Variants in ATXN2 observed in about 807,000 individuals in gnomAD.
The protein encoded by ATXN2 is ataxin 2.
Under a neutral mutation model 138.6 loss-of-function variants are expected in ATXN2, and 37 were observed. The observed-to-expected ratio is 0.27, with a 90% CI of 0.21 to 0.35. ATXN2 has a LOEUF of 0.35. Ranked by LOEUF, ATXN2 falls within the 10% of genes least tolerant of loss-of-function variation. The probability of loss-of-function intolerance (pLI) is 1.00; values close to 1 mark genes in which losing one functional copy is unlikely to be tolerated. For synonymous variants in ATXN2, 549 were observed against 543.7 expected (o/e 1.01, Z -0.13); for missense variants, 1,216 against 1,480.3 (o/e 0.82, Z 2.93).
chr12:111,459,554 C>A (rs1875398621), intron 21 of ATXN2, among the ~76,000 whole-genome samples: 1 of 151,774 alleles, frequency 6.6e-6, no homozygotes, highest in Non-Finnish European at 1.5e-5. Context: ...GATTCTCCTG[C>A]CTCAGCCTGC....
rs776360703 is a variant in ATXN2, at chr12:111,456,134, C to T, written c.3165G>A (p.Ser1055=). 8.1e-6 allele frequency: 13 copies of T among 1,614,064 alleles called. No homozygotes were observed. Among genetic ancestry groups the T allele is most frequent in the African/African-American group, 2.7e-5 (2 of 74,910 alleles). Residue 1055 remains serine (S), a synonymous_variant, in exon 23 of 25, where the codon TCG becomes TCA. Coordinates refer to ENST00000673436, the MANE Select transcript of ATXN2 (RefSeq NM_001372574.1). ...GTGCTGCTGGGAAACTATTCTGTGG[C>T]GACTGCGTGTTGGAGGCAGGTGTCA... ...PSMTPASNTQ[S]PQNSFPAAQQ...
At chr12:111,561,695 G>C (rs1478963899) in intron 1 of ATXN2, among the ~76,000 whole-genome samples, 1 of 152,002 alleles carries the variant, frequency 6.6e-6, no homozygotes, top group Non-Finnish European at 1.5e-5. Context: ...TTAGCCACGT[G>C]TGGTGGCACA....
In ATXN2 at chr12:111,598,978, T is replaced by TGCTGCTGCTGCTGC. The variant is rs757873033; in HGVS notation, c.56_57insGCAGCAGCAGCAGC (p.Gln24HisfsTer27). The TGCTGCTGCTGCTGC allele has an allele frequency of 1.9e-5, 24 of 1,292,924 alleles. No homozygotes were observed. The African/African-American group carries it at 2.2e-4, about 12-fold the overall frequency. 80.1% of individuals were successfully genotyped at this position (1,292,924 alleles called of 1,614,324 possible). On this transcript the variant is annotated frameshift_variant, in exon 1 of 25. Transcript: ENST00000673436. LOFTEE classifies it high-confidence loss of function. The surrounding 1 kb of genome is among the most constrained non-coding windows in gnomAD (Gnocchi z 4.5). ...GCTGCTGCTGCTGCTGCTGCTGCTG[T>TGCTGCTGCTGCTGC]TGCTGCTGCTGCTGCTGCTGCTGCT...
chr12:111,523,482 G>A (rs904242805), intron 6 of ATXN2, among the ~76,000 whole-genome samples: 1 of 152,062 alleles, frequency 6.6e-6, no homozygotes, highest in African/African-American at 2.4e-5. Flanking sequence ...TCAGCACTTT[G>A]GGAGGCCGAG....
chr12:111,525,841 C>T (rs1387222131), intron 5 of ATXN2, among the ~76,000 whole-genome samples: 2 of 151,852 alleles, frequency 1.3e-5, no homozygotes, highest in African/African-American at 2.4e-5. Flanking sequence ...TGTACCACCA[C>T]GCCCGGATAA....
chr12:111,490,875 C>T lies in ATXN2; in HGVS notation c.1936-2095G>A, dbSNP rs76926750. 0.011 allele frequency among the ~76,000 whole-genome samples: 1,617 copies of T among 152,102 alleles called. 93 individuals are homozygous for T. The South Asian group carries it at 0.15, about 14-fold the overall frequency. ...AGTGCTGCCCTGTCACAGTGGAAAG[C>T]AGCATAGGACAGAATTCAGCCAGCA... On this transcript the variant is annotated intron_variant, in intron 14 of 24. Transcript: ENST00000673436.
chr12:111,504,122 T>G (rs1260909607), intron 14 of ATXN2, among the ~76,000 whole-genome samples: 1 of 152,200 alleles, frequency 6.6e-6, no homozygotes, highest in Admixed American at 6.5e-5. Flanking sequence ...TTCTGCTAAC[T>G]GAAAAAGTAC....
chr12:111,508,692 C>A (rs536067677), intron 14 of ATXN2, among the ~76,000 whole-genome samples: 105 of 152,038 alleles, frequency 6.9e-4, no homozygotes, highest in Non-Finnish European at 1.3e-3. Context: ...GGTGATCTGC[C>A]CACCTCGGCC....
chr12:111,566,084 G>A (rs142570403), intron 1 of ATXN2, among the ~76,000 whole-genome samples: 133 of 152,060 alleles, frequency 8.7e-4, no homozygotes, highest in Non-Finnish European at 1.1e-3. Flanking sequence ...GCTAACACAA[G>A]AATCAGTCCA....
At position 111,510,514 on chromosome 12, in the gene ATXN2, T is replaced by G. The variant is rs369482814; in HGVS notation, c.1627A>C (p.Ser543Arg). 1.9e-6 allele frequency: 3 copies of G among 1,613,956 alleles called. No homozygotes were observed. The highest frequency in any genetic ancestry group is 2.7e-5 in the African/African-American group (2 of 74,908). Reference sequence around the variant, plus strand: ...TGGGGAGAAGCAAGAACTGGCCCACTGGGGGTATTTCCAATACTGTTCTGT... The same window carrying G: ...TGGGGAGAAGCAAGAACTGGCCCACGGGGGGTATTTCCAATACTGTTCTGT... ...PRQNSIGNTP[S>R]GPVLASPQAG... is the part of the protein sequence containing the mutation. The change falls in exon 12 of 25, where the codon AGT becomes CGT. Residue 543 changes from serine to arginine, a missense_variant. Ser to Arg is a moderately radical substitution (Grantham distance 110). This residue lies in a region of ATXN2 where 215 missense variants were observed against 210.0 expected (regional missense o/e 1.02). Coordinates refer to ENST00000673436, the MANE Select transcript of ATXN2 (RefSeq NM_001372574.1).
Position 111,457,219 on chromosome 12 carries a change from C to T in ATXN2, c.3037G>A (p.Val1013Ile), listed in dbSNP as rs754272313. 6 of 1,612,914 alleles carry T rather than the reference C, an allele frequency of 3.7e-6. No individual in the cohort carries two copies. Among genetic ancestry groups the T allele is most frequent in the Non-Finnish European group, 4.2e-6 (5 of 1,179,426 alleles). Residue 1013 changes from valine to isoleucine, a missense_variant, in exon 22 of 25, where the codon GTT (valine) becomes ATT (isoleucine). Physicochemically the swap from Val to Ile is conservative, Grantham distance 29 (BLOSUM62 3). Transcript: ENST00000673436. ...GACCTCTGAGTTGCCCTTACCTGAA[C>T]AGGACTGGGTGCAGGATGACTTCCA... ...HGGSHPAPSP[V>I]QHHQHQAAQA...
intron 18 of ATXN2, among the ~76,000 whole-genome samples, chr12:111,477,855 A>C (rs577027849): frequency 2.1e-4 from 32 of 151,930 alleles, no homozygotes; most frequent in African/African-American, 7.7e-4. Flanking sequence ...TCACCCCTCC[A>C]TCGCCCTCCA....
chr12:111,524,420 A>G (rs562985718), intron 6 of ATXN2, among the ~76,000 whole-genome samples: 41 of 152,206 alleles, frequency 2.7e-4, no homozygotes, highest in Non-Finnish European at 5.3e-4. Flanking sequence ...TTATATCTCT[A>G]TGCTCTCTAT....
At chr12:111,499,084 A>G (rs547060457) in intron 14 of ATXN2, among the ~76,000 whole-genome samples, 61 of 152,332 alleles carry the variant, frequency 4.0e-4, no homozygotes, top group African/African-American at 1.4e-3. Context: ...CTAAGACCTC[A>G]AACTATGAAA....
intron 18 of ATXN2, among the ~76,000 whole-genome samples, chr12:111,475,658 G>A (rs1417133321): frequency 6.6e-6 from 1 of 150,894 alleles, no homozygotes; most frequent in African/African-American, 2.4e-5. Context: ...GCCCAGCCAA[G>A]ATATATTTTA....
chr12:111,501,303 G>A (rs1878745004), intron 14 of ATXN2, among the ~76,000 whole-genome samples: 1 of 152,098 alleles, frequency 6.6e-6, no homozygotes, highest in African/African-American at 2.4e-5. Context: ...GATTTAAGAT[G>A]GCATCCTCTA....
chr12:111,483,356 C>T (rs1366229702), intron 18 of ATXN2, among the ~76,000 whole-genome samples: 1 of 149,064 alleles, frequency 6.7e-6, no homozygotes, highest in Non-Finnish European at 1.5e-5. Flanking sequence ...AATTATTCTA[C>T]TTTCTATAGT....
Position 111,464,857 on chromosome 12 carries a change from C to A in ATXN2, c.2843-142G>T, listed in dbSNP as rs1875880123. 9 of 637,046 alleles carry A rather than the reference C, an allele frequency of 1.4e-5. No homozygotes were observed. In the South Asian group the frequency reaches 1.8e-4, roughly 13 times the overall value. 39.5% of individuals were successfully genotyped at this position (637,046 alleles called of 1,614,324 possible). A position where few individuals can be genotyped will look rare whatever the true frequency, so the allele number is the denominator to read the frequency against. On this transcript the variant is annotated intron_variant, in intron 20 of 24. Transcript: ENST00000673436. ...TAAGAGATGACAAGCACTTTAAACACTGCTACAGAATTTTAAAAGAAAGGA... is the reference window on the plus strand; with the variant it reads ...TAAGAGATGACAAGCACTTTAAACAATGCTACAGAATTTTAAAAGAAAGGA...
chr12:111,526,849 G>A (rs1342168933), intron 5 of ATXN2, among the ~76,000 whole-genome samples: 5 of 152,130 alleles, frequency 3.3e-5, no homozygotes, highest in Admixed American at 2.0e-4. Flanking sequence ...CTTGCCATTA[G>A]TAAATGAAGC....
Sources: allele counts gnomAD v4.1 joint callset (sites outside exome capture counted in the v4.1 genomes callset), GRCh38; gene constraint gnomAD v4.1.1; regional missense constraint gnomAD v4.1.1; non-coding constraint Gnocchi (gnomAD v3.1); transcripts MANE v1.5; gene names NCBI Gene and HGNC (gene_info 2026-07-23, HGNC 2026-07-21).